Variants in SIPA1L2 observed in about 807,000 individuals in gnomAD.
SIPA1L2 encodes the protein signal induced proliferation associated 1 like 2, also known as signal-induced proliferation-associated 1-like protein 2.
In SIPA1L2, 56 loss-of-function variants were observed where a neutral mutation model predicts 163.9. The observed-to-expected ratio is 0.34, with a 90% confidence interval of 0.28 to 0.43. The LOEUF (loss-of-function observed/expected upper bound fraction) is 0.43. Among genes scored for constraint, SIPA1L2 ranks in the 20% least tolerant of loss-of-function variants. The probability of loss-of-function intolerance (pLI) is 1.00; values close to 1 mark genes in which losing one functional copy is unlikely to be tolerated. For synonymous variants in SIPA1L2, 877 were observed against 865.7 expected (o/e 1.01, Z -0.23); for missense variants, 1,974 against 2,193.5 (o/e 0.90, Z 2.00).
chr1:232,572,197 G>A (rs1477212069), intron 2 of SIPA1L2, among the ~76,000 whole-genome samples: 6 of 152,098 alleles, frequency 3.9e-5, no homozygotes, highest in East Asian at 1.9e-4. Flanking sequence ...AGCTGTGTCC[G>A]GGCAGCATGA....
intron 10 of SIPA1L2, 131 bp from the exon 11 acceptor site, chr1:232,445,917 G>C: frequency 1.1e-6 from 1 of 894,552 alleles, no homozygotes; most frequent in South Asian, 1.6e-5. Context: ...CAATGATGCA[G>C]AGCGATCCAC....
intron 1 of SIPA1L2, among the ~76,000 whole-genome samples, chr1:232,614,684 C>A (rs1263270531): frequency 6.6e-6 from 1 of 152,194 alleles, no homozygotes. Flanking sequence ...TAATACACCT[C>A]GAGCAGACAG....
At chr1:232,505,039 G>T (rs1441444128) in intron 3 of SIPA1L2, among the ~76,000 whole-genome samples, 3 of 152,092 alleles carry the variant, frequency 2.0e-5, no homozygotes, top group Non-Finnish European at 4.4e-5. Flanking sequence ...CATAAAAACG[G>T]TATCTTGAAA....
intron 6 of SIPA1L2, among the ~76,000 whole-genome samples, chr1:232,480,148 T>TGTGTGCGTGTGC (rs1204841038): frequency 1.6e-5 from 2 of 123,264 alleles, no homozygotes; most frequent in African/African-American, 3.8e-5. Context: ...TCTGTGTGTG[T>TGTGTGCGTGTGC]GTGTGCGTGT....
At chr1:232,519,547 T>C (rs1330752289) in intron 2 of SIPA1L2, among the ~76,000 whole-genome samples, 2 of 152,220 alleles carry the variant, frequency 1.3e-5, no homozygotes, top group African/African-American at 2.4e-5. Flanking sequence ...GGCCCACACA[T>C]GCCTTCTTCT....
Position 232,439,474 on chromosome 1 carries a change from C to T in SIPA1L2, c.3665G>A (p.Ser1222Asn), listed in dbSNP as rs780906693. Residue 1222 changes from serine to asparagine, a missense_variant, in exon 15 of 23, where the codon AGT becomes AAT. Around this residue, in one of 3 missense-constraint regions of SIPA1L2, gnomAD observed 1,079 missense variants for 1,150.7 expected, o/e 0.94. Transcript: ENST00000674635. ...GGAGAGCGTGTTGCTGCTGGAGTGACTGGAGCAACTTTTATCCCCAATCTT... is the reference window on the plus strand; with the variant it reads ...GGAGAGCGTGTTGCTGCTGGAGTGATTGGAGCAACTTTTATCCCCAATCTT... ...LSHIGDKSCS[S>N]HSSSNTLSSN... The T allele has an allele frequency of 8.1e-6, 13 of 1,612,996 alleles. No homozygotes were observed. The highest frequency in any genetic ancestry group is 5.0e-5 in the Admixed American group (3 of 59,976).
At chr1:232,518,768 C>T (rs932299177) in intron 2 of SIPA1L2, among the ~76,000 whole-genome samples, 2 of 152,174 alleles carry the variant, frequency 1.3e-5, no homozygotes, top group Non-Finnish European at 2.9e-5. Context: ...GTGTCTCTCC[C>T]CAGGAGAAAG....
At chr1:232,569,012 C>T (rs936987498) in intron 2 of SIPA1L2, among the ~76,000 whole-genome samples, 1 of 152,100 alleles carries the variant, frequency 6.6e-6, no homozygotes, top group Admixed American at 6.5e-5. Flanking sequence ...TTGTTTCCTC[C>T]AGCAACTAAC....
chr1:232,498,618 T>C (rs543519279), intron 3 of SIPA1L2, among the ~76,000 whole-genome samples: 16 of 152,334 alleles, frequency 1.1e-4, no homozygotes, highest in African/African-American at 3.8e-4. Context: ...CTTCTAGACC[T>C]ACATTCGTTA....
At chr1:232,608,025 C>A (rs1309224887) in intron 1 of SIPA1L2, among the ~76,000 whole-genome samples, 3 of 106,648 alleles carry the variant, frequency 2.8e-5, no homozygotes, top group Non-Finnish European at 1.7e-5. Flanking sequence ...CCAGCCTGGG[C>A]AACAAGAGCG....
In SIPA1L2 at chr1:232,465,156, G is replaced by C. The variant is rs142752379; in HGVS notation, c.2504C>G (p.Ala835Gly). Residue 835 changes from alanine to glycine, a missense_variant, in exon 9 of 23, where the codon GCG becomes GGG. By Grantham distance (60) the Ala-to-Gly change is moderately conservative. This residue lies in a region of SIPA1L2 where 288 missense variants were observed against 418.9 expected (regional missense o/e 0.69). Coordinates refer to ENST00000674635, the MANE Select transcript of SIPA1L2 (RefSeq NM_020808.5). The surrounding 1 kb of genome is among the most constrained non-coding windows in gnomAD (Gnocchi z 4.1). ...TGGCTTTACCTTCTCCTTTTTCTTCGCACCCAGCGTAATGAAGCTGAACTT... is the reference window on the plus strand; with the variant it reads ...TGGCTTTACCTTCTCCTTTTTCTTCCCACCCAGCGTAATGAAGCTGAACTT... The part of the protein sequence containing the change: ...SVKFSFITLG[A>G]KKKEKVKPRK... The C allele has an allele frequency of 2.5e-6, 4 of 1,613,938 alleles. No individual in the cohort carries two copies. The highest frequency in any genetic ancestry group is 3.4e-6 in the Non-Finnish European group (4 of 1,180,026).
At chr1:232,595,735 T>C (rs1661226291) in intron 1 of SIPA1L2, among the ~76,000 whole-genome samples, 1 of 151,988 alleles carries the variant, frequency 6.6e-6, no homozygotes, top group African/African-American at 2.4e-5. Flanking sequence ...CAAATGACCA[T>C]TTTCTTCCAA....
At chr1:232,530,393 C>T (rs556903417) in intron 2 of SIPA1L2, among the ~76,000 whole-genome samples, 15 of 152,224 alleles carry the variant, frequency 9.9e-5, no homozygotes, top group Admixed American at 7.2e-4. Context: ...GGATTACAGG[C>T]GTGAGCCACC....
At chr1:232,506,730 A>AT (rs2103028350) in intron 3 of SIPA1L2, among the ~76,000 whole-genome samples, 1 of 152,352 alleles carries the variant, frequency 6.6e-6, no homozygotes, top group East Asian at 1.9e-4. Context: ...AGCAGTTACC[A>AT]GAAACAGTGA....
chr1:232,499,835 C>A (rs1454241746), intron 3 of SIPA1L2, among the ~76,000 whole-genome samples: 4 of 152,228 alleles, frequency 2.6e-5, no homozygotes, highest in African/African-American at 9.6e-5. Flanking sequence ...GCTAACACAG[C>A]TGGTGGCTTT....
chr1:232,465,125 C>T lies in SIPA1L2; in HGVS notation c.2535G>A (p.Lys845=). Reference sequence around the variant, plus strand: ...CCCCAATGCTAAACAAGTGGGCATCCTTCCTTGGCTTTACCTTCTCCTTTT... The same window carrying T: ...CCCCAATGCTAAACAAGTGGGCATCTTTCCTTGGCTTTACCTTCTCCTTTT... The part of the protein sequence containing the change: ...AKKKEKVKPR[K]DAHLFSIGAI... The change falls in exon 9 of 23, where the codon AAG becomes AAA. Residue 845 remains lysine (K), a synonymous_variant. Transcript: ENST00000674635. This position sits in a 1 kb window ranked among gnomAD's most constrained non-coding sequence, Gnocchi z 4.1. The T allele has an allele frequency of 1.2e-6, 2 of 1,614,178 alleles. No homozygotes were observed. Among genetic ancestry groups the T allele is most frequent in the South Asian group, 1.1e-5 (1 of 91,086 alleles).
At chr1:232,547,669 T>C (rs116537198) in intron 2 of SIPA1L2, among the ~76,000 whole-genome samples, 257 of 152,202 alleles carry the variant, frequency 1.7e-3, no homozygotes, top group African/African-American at 5.8e-3. Context: ...AACACCAGCA[T>C]TGCCATCATC....
At chr1:232,615,946 A>G (rs1393297641) in intron 1 of SIPA1L2, among the ~76,000 whole-genome samples, 2 of 152,246 alleles carry the variant, frequency 1.3e-5, no homozygotes, top group African/African-American at 4.8e-5. Context: ...GAATGAATAC[A>G]TCTGAGCACC....
At chr1:232,413,447 A>C (rs1293064155) in intron 19 of SIPA1L2, among the ~76,000 whole-genome samples, 1 of 152,216 alleles carries the variant, frequency 6.6e-6, no homozygotes, top group African/African-American at 2.4e-5. Context: ...TTCTGAAGGA[A>C]CATTTGAAAG....
Sources: gnomAD v4.1 joint callset for allele counts (sites outside exome capture counted in the v4.1 genomes callset) on GRCh38, gnomAD v4.1.1 for gene constraint, gnomAD v4.1.1 regional missense constraint, Gnocchi (gnomAD v3.1) non-coding constraint, MANE v1.5 for transcripts, NCBI Gene and HGNC (gene_info 2026-07-23, HGNC 2026-07-21) for gene names.